TFB1M: variants seen among roughly 807,000 people sequenced by gnomAD.
The protein encoded by TFB1M is dimethyladenosine transferase 1, mitochondrial.
A neutral mutation model predicts 31.1 loss-of-function variants in TFB1M; 27 were observed. That is an observed-to-expected ratio of 0.87 (90% CI 0.64 to 1.20). The LOEUF (loss-of-function observed/expected upper bound fraction) is 1.20, where lower values mean the gene tolerates loss of function less well. Ranked by LOEUF, TFB1M falls within the 50% of genes most tolerant of loss-of-function variation. TFB1M has a pLI of 0.00. For synonymous variants in TFB1M, 166 were observed against 151.8 expected (o/e 1.09, Z -0.69); for missense variants, 394 against 418.7 (o/e 0.94, Z 0.51).
chr6:155,252,031 G>A (rs775424471), downstream of TFB1M: 33 of 1,563,140 alleles, frequency 2.1e-5, 1 homozygote, highest in South Asian at 3.4e-4. Flanking sequence ...TTTAATTTAA[G>A]CTACCTTTTC....
chr6:155,292,277 G>A (rs1337949306), intron 4 of TFB1M, among the ~76,000 whole-genome samples: 2 of 152,172 alleles, frequency 1.3e-5, no homozygotes, highest in Non-Finnish European at 1.5e-5. Flanking sequence ...TCACACGTGT[G>A]CAGGAGCAGC....
chr6:155,288,402 G>A (rs1178253840), intron 4 of TFB1M, among the ~76,000 whole-genome samples: 1 of 152,138 alleles, frequency 6.6e-6, no homozygotes, highest in East Asian at 1.9e-4. Flanking sequence ...AAAAATGACA[G>A]AAGTAGAGAT....
the TFB1M span, chr6:155,247,901 G>A: frequency 7.1e-7 from 1 of 1,401,218 alleles, no homozygotes; most frequent in Non-Finnish European, 9.8e-7. Context: ...GCATTAGGAG[G>A]ACTATAGAAA....
chr6:155,244,956 T>C, the TFB1M span: 23 of 843,148 alleles, frequency 2.7e-5, no homozygotes, highest in African/African-American at 3.2e-4. Context: ...AGGAAGGCTG[T>C]ATATATTTTT....
chr6:155,237,082 A>T, the TFB1M span, among the ~76,000 whole-genome samples: 1 of 152,256 alleles, frequency 6.6e-6, no homozygotes, highest in Non-Finnish European at 1.5e-5. Context: ...AGCCTGTAAA[A>T]TCAAAAGCAA....
At position 155,256,752 on chromosome 6, in the gene TFB1M, G is replaced by T. The variant is rs1275280930; in HGVS notation, c.*1084C>A. ...AAGATGATGACCACCGTCAGACTGT[G>T]AAGCAGGGCAGCCCTACTAAAGACA... On this transcript the variant is annotated 3_prime_UTR_variant, in exon 7 of 7. Transcript: ENST00000367166. 2 of 1,614,112 alleles carry T rather than the reference G, an allele frequency of 1.2e-6. No homozygotes were observed. Among genetic ancestry groups the T allele is most frequent in the Non-Finnish European group, 1.7e-6 (2 of 1,180,054 alleles).
At chr6:155,293,527 T>G (rs1448892831) in intron 4 of TFB1M, among the ~76,000 whole-genome samples, 1 of 152,202 alleles carries the variant, frequency 6.6e-6, no homozygotes, top group Admixed American at 6.5e-5. Context: ...CTCCAGATGA[T>G]CCTTAGAACT....
In TFB1M at chr6:155,256,177, A is replaced by AACTT. The variant is rs1288791835; in HGVS notation, c.*1655_*1658dup. On this transcript the variant is annotated 3_prime_UTR_variant, in exon 7 of 7. Coordinates refer to ENST00000367166, the MANE Select transcript of TFB1M (RefSeq NM_016020.4). ...ATTTATTATTACCAATTAACTTTTC[A>AACTT]ACTTACTCCTTGGCAAAATAAGAAT... 3.0e-5 allele frequency: 16 copies of AACTT among 532,688 alleles called. No homozygotes were observed. The highest frequency in any genetic ancestry group is 9.8e-5 in the African/African-American group (5 of 50,908). The allele number at this position is 532,688 out of a possible 1,614,324, so 33.0% of individuals were successfully genotyped here. A position where few individuals can be genotyped will look rare whatever the true frequency, so the allele number is the denominator to read the frequency against.
chr6:155,265,173 C>T (rs1784570929), intron 5 of TFB1M, among the ~76,000 whole-genome samples: 1 of 152,006 alleles, frequency 6.6e-6, no homozygotes, highest in African/African-American at 2.4e-5. Context: ...CTGCCTGAGG[C>T]AGCTTCGAGG....
At chr6:155,240,662 C>G in the TFB1M span, 1 of 1,613,730 alleles carries the variant, frequency 6.2e-7, no homozygotes, top group Non-Finnish European at 8.5e-7. Context: ...AGACCGCCTC[C>G]GCAAAGTCAT....
the TFB1M span, among the ~76,000 whole-genome samples, chr6:155,236,812 A>G: frequency 6.6e-6 from 1 of 152,214 alleles, no homozygotes; most frequent in Non-Finnish European, 1.5e-5. Flanking sequence ...GCCCACCCCC[A>G]TGATTCAATC....
chr6:155,297,696 A>G (rs947647229), intron 3 of TFB1M, among the ~76,000 whole-genome samples: 1 of 152,256 alleles, frequency 6.6e-6, no homozygotes, highest in Non-Finnish European at 1.5e-5. Flanking sequence ...GGAGAAAAAG[A>G]GCAAGAGAAA....
the TFB1M span, chr6:155,250,105 T>C: frequency 1.8e-5 from 11 of 619,266 alleles, no homozygotes; most frequent in Admixed American, 2.7e-4. Flanking sequence ...ACAATGTGTC[T>C]AATGAACTAC....
At chr6:155,279,657 CTA>C (rs1369922811) in intron 5 of TFB1M, among the ~76,000 whole-genome samples, 3 of 152,186 alleles carry the variant, frequency 2.0e-5, no homozygotes, top group Admixed American at 1.3e-4. Flanking sequence ...TTAGCCTAGC[CTA>C]TAATTCTGCA....
chr6:155,232,369 G>A, the TFB1M span, among the ~76,000 whole-genome samples: 1 of 152,176 alleles, frequency 6.6e-6, no homozygotes, highest in East Asian at 1.9e-4. Flanking sequence ...TTATTTAGTA[G>A]TGCAGCCTCC....
intron 6 of TFB1M, among the ~76,000 whole-genome samples, chr6:155,259,650 C>T (rs139797677): frequency 2.8e-4 from 42 of 152,344 alleles, no homozygotes; most frequent in East Asian, 1.5e-3. Context: ...TTTACAAATA[C>T]ACTTTCCTGC....
intron 4 of TFB1M, among the ~76,000 whole-genome samples, chr6:155,291,309 G>A (rs1166266090): frequency 6.6e-6 from 1 of 152,182 alleles, no homozygotes; most frequent in East Asian, 1.9e-4. Flanking sequence ...CACATCTGGT[G>A]TCAGAAGTTG....
downstream of TFB1M, chr6:155,254,421 A>G (rs778940935): frequency 1.2e-6 from 2 of 1,611,078 alleles, no homozygotes; most frequent in Non-Finnish European, 8.5e-7. Context: ...CCACCCAGTG[A>G]CAGTGAAAGC....
chr6:155,287,478 G>C (rs188063224), intron 4 of TFB1M, among the ~76,000 whole-genome samples: 18 of 151,884 alleles, frequency 1.2e-4, no homozygotes, highest in African/African-American at 3.9e-4. Context: ...AAATAATCAA[G>C]TCACAGAAAA....
Sources: allele counts gnomAD v4.1 joint callset (sites outside exome capture counted in the v4.1 genomes callset), GRCh38; gene constraint gnomAD v4.1.1; transcripts MANE v1.5; gene names NCBI Gene and HGNC (gene_info 2026-07-23, HGNC 2026-07-21).